TENM4: variants seen among roughly 807,000 people sequenced by gnomAD.
The protein encoded by TENM4 is teneurin transmembrane protein 4, also known as teneurin-4.
A neutral mutation model predicts 243.3 loss-of-function variants in TENM4; 82 were observed. The observed-to-expected ratio is 0.34, with a 90% confidence interval of 0.28 to 0.40. The LOEUF (loss-of-function observed/expected upper bound fraction) is 0.40. Ranked by LOEUF, TENM4 falls within the 10% of genes least tolerant of loss-of-function variation. The pLI is 1.00. For synonymous variants in TENM4, 1,412 were observed against 1,456.3 expected (o/e 0.97, Z 0.69); for missense variants, 3,138 against 3,673.3 (o/e 0.85, Z 3.77).
intron 2 of TENM4, among the ~76,000 whole-genome samples, chr11:79,292,160 G>A (rs1331227160): frequency 6.6e-6 from 1 of 152,162 alleles, no homozygotes; most frequent in African/African-American, 2.4e-5. Context: ...TGCATAAGAT[G>A]AAGCTCCACA....
chr11:79,258,789 C>A (rs1201009287), intron 2 of TENM4, among the ~76,000 whole-genome samples: 1 of 152,168 alleles, frequency 6.6e-6, no homozygotes, highest in Non-Finnish European at 1.5e-5. Flanking sequence ...AGCAAGTGCT[C>A]CCCCACCGGC....
chr11:79,326,643 G>A (rs1856980032), intron 1 of TENM4, among the ~76,000 whole-genome samples: 1 of 152,190 alleles, frequency 6.6e-6, no homozygotes, highest in Admixed American at 6.5e-5. Context: ...GAACTAGGTT[G>A]GGATTAATAA....
chr11:79,310,724 T>C (rs1437287230), intron 1 of TENM4, among the ~76,000 whole-genome samples: 2 of 152,174 alleles, frequency 1.3e-5, no homozygotes, highest in African/African-American at 4.8e-5. Context: ...TTGGAATAAA[T>C]TATTTCCCCA....
At chr11:78,722,581 C>T in intron 24 of TENM4, 87 bp downstream of exon 24, 1 of 1,528,728 alleles carries the variant, frequency 6.5e-7, no homozygotes, top group Admixed American at 1.8e-5. Context: ...ATCCCACTTC[C>T]CTGGGCTCAG....
At chr11:79,041,362 C>A (rs547796541) in intron 6 of TENM4, among the ~76,000 whole-genome samples, 258 of 152,222 alleles carry the variant, frequency 1.7e-3, no homozygotes, top group Non-Finnish European at 3.2e-3. Flanking sequence ...TCATGCCCGG[C>A]CTCATTTGTC....
chr11:78,711,321 G>A (rs573661549), intron 26 of TENM4, among the ~76,000 whole-genome samples: 6 of 152,272 alleles, frequency 3.9e-5, no homozygotes, highest in Admixed American at 1.3e-4. Flanking sequence ...GTACTACTGC[G>A]CTAAGCATTT....
At position 79,010,903 on chromosome 11, in the gene TENM4, C is replaced by A. The variant is rs1285604007; in HGVS notation, c.493+53835G>T. 2.6e-5 allele frequency among the ~76,000 whole-genome samples: 4 copies of A among 152,170 alleles called. No homozygotes were observed. In the East Asian group the frequency reaches 5.8e-4, roughly 22 times the overall value. On this transcript the variant is annotated intron_variant, in intron 6 of 33. Coordinates refer to ENST00000278550, the MANE Select transcript of TENM4 (RefSeq NM_001098816.3). The stretch of plus-strand genomic sequence containing the variant: ...CAATGTTTAGGAGAAAGAAGACAGG[C>A]TTTAGAGTCAGACTCTGCCCCTTAC...
chr11:78,669,810 T>C lies in TENM4; in HGVS notation c.6535A>G (p.Lys2179Glu). The C allele has an allele frequency of 6.2e-7, 1 of 1,613,912 alleles. No individual in the cohort carries two copies. The highest frequency in any genetic ancestry group is 8.5e-7 in the Non-Finnish European group (1 of 1,179,868). The change falls in exon 32 of 34, where the codon AAG becomes GAG. Residue 2179 changes from lysine to glutamate, a missense_variant. By Grantham distance (56) the Lys-to-Glu change is moderately conservative. This residue lies in a region of TENM4 where 2,467 missense variants were observed against 3,059.1 expected (regional missense o/e 0.81). Coordinates refer to ENST00000278550, the MANE Select transcript of TENM4 (RefSeq NM_001098816.3). This position sits in a 1 kb window ranked among gnomAD's most constrained non-coding sequence, Gnocchi z 6.4. The stretch of plus-strand genomic sequence containing the variant: ...GCGTAGGGTCCTACCTTCAGCTCCT[T>C]CTTCACTACTCGCCCCATGTTATCA... ...QYDNMGRVVK[K>E]ELKVGPYANT...
At chr11:79,236,850 A>C (rs1449758382) in intron 2 of TENM4, among the ~76,000 whole-genome samples, 5 of 152,036 alleles carry the variant, frequency 3.3e-5, no homozygotes, top group African/African-American at 1.2e-4. Flanking sequence ...GGTGCACTGG[A>C]TCTTCCCACC....
intron 6 of TENM4, among the ~76,000 whole-genome samples, chr11:79,007,082 A>G (rs1858504445): frequency 6.6e-6 from 1 of 152,166 alleles, no homozygotes; most frequent in Non-Finnish European, 1.5e-5. Context: ...CCCAGGTCAC[A>G]AGCTTGCCAG....
chr11:78,947,541 T>C (rs1857024959), intron 6 of TENM4, among the ~76,000 whole-genome samples: 1 of 152,248 alleles, frequency 6.6e-6, no homozygotes, highest in Admixed American at 6.5e-5. Context: ...CTTTGCAATC[T>C]GGAGGAGGTT....
At chr11:79,048,957 C>G (rs1859729433) in intron 6 of TENM4, among the ~76,000 whole-genome samples, 1 of 152,132 alleles carries the variant, frequency 6.6e-6, no homozygotes. Flanking sequence ...TCCAGTTGCT[C>G]AAGCAGAGCT....
intron 2 of TENM4, among the ~76,000 whole-genome samples, chr11:79,272,496 T>C (rs1413393849): frequency 2.6e-5 from 4 of 152,222 alleles, no homozygotes; most frequent in African/African-American, 9.6e-5. Flanking sequence ...TCCTCCCAAG[T>C]CTCTGAAATC....
At chr11:78,787,850 A>G (rs1856971852) in intron 15 of TENM4, among the ~76,000 whole-genome samples, 1 of 152,242 alleles carries the variant, frequency 6.6e-6, no homozygotes, top group African/African-American at 2.4e-5. Context: ...GAGATGGTGC[A>G]AAACACACAG....
At position 79,261,547 on chromosome 11, in the gene TENM4, C is replaced by T. The variant is rs573066982; in HGVS notation, c.-265+35941G>A. Among the ~76,000 whole-genome samples, 8 of 152,204 alleles carry T rather than the reference C, an allele frequency of 5.3e-5. No individual in the cohort carries two copies. In the South Asian group the frequency reaches 1.0e-3, roughly 20 times the overall value. On this transcript the variant is annotated intron_variant, in intron 2 of 33. Coordinates refer to ENST00000278550, the MANE Select transcript of TENM4 (RefSeq NM_001098816.3). ...TGGGAATGAGCCCCCACAGTATCTT[C>T]GGCTCTATATGGAACCCCACACCAG... is the stretch of plus-strand genomic sequence containing the variant.
chr11:78,814,250 G>A, intron 13 of TENM4, 44 bp downstream of exon 13: 1 of 1,526,556 alleles, frequency 6.6e-7, no homozygotes, highest in Non-Finnish European at 8.9e-7. Flanking sequence ...CTGCCTGAGG[G>A]GTCTGGGAAG....
At chr11:79,023,823 G>A (rs1859000124) in intron 6 of TENM4, among the ~76,000 whole-genome samples, 1 of 152,116 alleles carries the variant, frequency 6.6e-6, no homozygotes, top group Non-Finnish European at 1.5e-5. Context: ...AAACATGGCT[G>A]GACAGTTGGG....
At position 79,217,131 on chromosome 11, in the gene TENM4, C is replaced by T. The variant is rs74595587; in HGVS notation, c.-264-1222G>A. Among the ~76,000 whole-genome samples, 400 of 152,162 alleles carry T rather than the reference C, an allele frequency of 2.6e-3. 4 individuals carry two copies. The highest frequency in any genetic ancestry group is 3.7e-3 in the Admixed American group (57 of 15,294). ...AGGACTCTGGGACAAAGGAGATACC[C>T]GTACAAAATAAAGGTTTTTCCAAAT... On this transcript the variant is annotated intron_variant, in intron 2 of 33. Coordinates refer to ENST00000278550, the MANE Select transcript of TENM4 (RefSeq NM_001098816.3).
intron 6 of TENM4, among the ~76,000 whole-genome samples, chr11:79,003,960 A>G (rs2136714839): frequency 6.6e-6 from 1 of 151,530 alleles, no homozygotes; most frequent in African/African-American, 2.4e-5. Flanking sequence ...CAGAAAGCAA[A>G]CAGAAAAACA....
Sources: gnomAD v4.1 joint callset for allele counts (sites outside exome capture counted in the v4.1 genomes callset) on GRCh38, gnomAD v4.1.1 for gene constraint, gnomAD v4.1.1 regional missense constraint, Gnocchi (gnomAD v3.1) non-coding constraint, MANE v1.5 for transcripts, NCBI Gene and HGNC (gene_info 2026-07-23, HGNC 2026-07-21) for gene names.